The following MED13L variants were observed in gnomAD, a reference collection of about 807,000 sequenced individuals.
MED13L encodes mediator complex subunit 13L.
In MED13L, 7 loss-of-function variants were observed where a neutral mutation model predicts 220.9. That is an observed-to-expected ratio of 0.03 (90% confidence interval 0.02 to 0.06). MED13L has a LOEUF of 0.06. Among genes scored for constraint, MED13L ranks in the 10% least tolerant of loss-of-function variants. The pLI is 1.00. For missense variants in MED13L, 1,965 were observed against 2,760.5 expected, an observed-to-expected ratio of 0.71 and a Z score of 6.46; for synonymous variants, 1,011 against 1,015.2, an observed-to-expected ratio of 1.00 and a Z score of 0.08.
intron 2 of MED13L, among the ~76,000 whole-genome samples, chr12:116,128,848 A>G (rs775799337): frequency 6.6e-5 from 10 of 152,206 alleles, no homozygotes; most frequent in Non-Finnish European, 1.0e-4. Flanking sequence ...GTTCCATTCT[A>G]TTAGGTACAA....
chr12:116,203,045 G>A (rs1042185144), intron 2 of MED13L, among the ~76,000 whole-genome samples: 3 of 152,090 alleles, frequency 2.0e-5, no homozygotes, highest in Non-Finnish European at 4.4e-5. Context: ...AACCAACACT[G>A]GACCTTTTAG....
At chr12:116,109,927 C>T (rs940104938) in intron 3 of MED13L, among the ~76,000 whole-genome samples, 1 of 152,132 alleles carries the variant, frequency 6.6e-6, no homozygotes, top group African/African-American at 2.4e-5. Context: ...TTCTGAGTAG[C>T]TTAAATAACA....
chr12:115,975,210 T>A lies in MED13L; in HGVS notation c.5692A>T (p.Ile1898Phe), dbSNP rs747191458. 9 of 1,614,182 alleles carry A rather than the reference T, an allele frequency of 5.6e-6. No homozygotes were observed. ...TGGCCAAGACGCCCAAGTCGCCCGA[T>A]TACAACTCTCCAGGGTAGAGATGTC... ...QMTSLPWRVVIGRLGRLGHGE... is the reference protein window; with the variant it reads ...QMTSLPWRVVFGRLGRLGHGE... Residue 1898 changes from isoleucine to phenylalanine, a missense_variant, in exon 25 of 31, where the codon ATC (isoleucine) becomes TTC (phenylalanine). This residue lies in a region of MED13L where 23 missense variants were observed against 67.1 expected (regional missense o/e 0.34). Coordinates refer to ENST00000281928, the MANE Select transcript of MED13L (RefSeq NM_015335.5).
Position 116,111,515 on chromosome 12 carries a change from G to GAA in MED13L, c.311-5_311-4dup, listed in dbSNP as rs150398214. 9.6e-6 allele frequency: 13 copies of GAA among 1,359,162 alleles called. No individual in the cohort carries two copies. The highest frequency in any genetic ancestry group is 4.5e-5 in the Admixed American group (2 of 44,110). 84.2% of individuals were successfully genotyped at this position (1,359,162 alleles called of 1,614,324 possible). A position where few individuals can be genotyped will look rare whatever the true frequency, so the allele number is the denominator to read the frequency against. On this transcript the variant is annotated splice_region_variant and splice_polypyrimidine_tract_variant and intron_variant, in intron 2 of 30. Transcript: ENST00000281928. ...TTCCCAGAGTCCTTCTTCCACAACTGAAAAAAAAAAGAAAAAAGAAAAAAA... is the reference window on the plus strand; with the variant it reads ...TTCCCAGAGTCCTTCTTCCACAACTGAAAAAAAAAAAAGAAAAAAGAAAAAAA...
intron 2 of MED13L, among the ~76,000 whole-genome samples, chr12:116,196,194 C>A (rs1881615809): frequency 6.6e-6 from 1 of 151,714 alleles, no homozygotes; most frequent in African/African-American, 2.4e-5. Context: ...TTTCAAGTAG[C>A]AAGAAAAAAA....
chr12:116,149,076 T>C (rs1372205036), intron 2 of MED13L, among the ~76,000 whole-genome samples: 3 of 152,230 alleles, frequency 2.0e-5, no homozygotes, highest in Non-Finnish European at 2.9e-5. Flanking sequence ...CCGGTATTCA[T>C]ACCTTTGCTC....
chr12:116,083,730 T>C (rs1288909732), intron 4 of MED13L, among the ~76,000 whole-genome samples: 1 of 152,184 alleles, frequency 6.6e-6, no homozygotes, highest in African/African-American at 2.4e-5. Flanking sequence ...ATTCTGAGCA[T>C]TTATCATGTG....
chr12:116,074,193 G>A (rs747244380), intron 4 of MED13L, among the ~76,000 whole-genome samples: 27 of 152,258 alleles, frequency 1.8e-4, no homozygotes, highest in Middle Eastern at 6.8e-3. Context: ...TCAGGAGTTC[G>A]ACACCAACCT....
At chr12:116,158,552 C>G (rs978874765) in intron 2 of MED13L, among the ~76,000 whole-genome samples, 1 of 152,042 alleles carries the variant, frequency 6.6e-6, no homozygotes, top group Non-Finnish European at 1.5e-5. Context: ...GGTATTAACT[C>G]TAAGAATCTG....
At chr12:116,087,978 C>G (rs1280358306) in intron 4 of MED13L, among the ~76,000 whole-genome samples, 1 of 152,102 alleles carries the variant, frequency 6.6e-6, no homozygotes, top group East Asian at 1.9e-4. Flanking sequence ...TCCTTCCACT[C>G]CAACATGACA....
chr12:116,238,745 T>C (rs556240192), intron 1 of MED13L, among the ~76,000 whole-genome samples: 1 of 152,346 alleles, frequency 6.6e-6, no homozygotes, highest in East Asian at 1.9e-4. Flanking sequence ...AATCAATCAC[T>C]ATAATGACCA....
At chr12:116,043,539 CA>C (rs1436125448) in intron 4 of MED13L, among the ~76,000 whole-genome samples, 1 of 152,132 alleles carries the variant, frequency 6.6e-6, no homozygotes, top group African/African-American at 2.4e-5. Context: ...AAATCTAATA[CA>C]AAAAGTAAAA....
intron 4 of MED13L, among the ~76,000 whole-genome samples, chr12:116,086,202 G>C (rs1201895869): frequency 2.0e-5 from 3 of 151,762 alleles, no homozygotes; most frequent in Non-Finnish European, 4.4e-5. Flanking sequence ...AACAAAAACA[G>C]ACCTAACATT....
chr12:116,148,504 G>C (rs201143205), intron 2 of MED13L: 7 of 313,230 alleles, frequency 2.2e-5, no homozygotes, highest in Non-Finnish European at 7.1e-6. Context: ...ATAGTAACCA[G>C]CTAAAGATAA....
intron 2 of MED13L, among the ~76,000 whole-genome samples, chr12:116,166,622 CTTA>C (rs1035916262): frequency 3.3e-5 from 5 of 152,098 alleles, no homozygotes; most frequent in Admixed American, 2.0e-4. Context: ...TTTCTGGCCT[CTTA>C]TTAAGTCAAA....
chr12:115,975,034 G>A lies in MED13L; in HGVS notation c.5731+137C>T, dbSNP rs1490064292. The A allele has an allele frequency of 1.1e-4, 105 of 929,068 alleles. 1 individual carries two copies. In the East Asian group the frequency reaches 1.5e-3, roughly 13 times the overall value. The allele number at this position is 929,068 out of a possible 1,614,324, so 57.6% of individuals were successfully genotyped here. A position where few individuals can be genotyped will look rare whatever the true frequency, so the allele number is the denominator to read the frequency against. On this transcript the variant is annotated intron_variant, in intron 25 of 30. Transcript: ENST00000281928. ...GAAGAGTTTAAAACTGGTTTATCCT[G>A]TACATATAAAAGAATCATAAAATAG...
intron 2 of MED13L, among the ~76,000 whole-genome samples, chr12:116,222,119 A>G (rs894578471): frequency 6.6e-6 from 1 of 152,246 alleles, no homozygotes; most frequent in Non-Finnish European, 1.5e-5. Context: ...AGATTTTAAT[A>G]TTCTGACAGT....
chr12:116,208,344 T>C (rs974288308), intron 2 of MED13L, among the ~76,000 whole-genome samples: 1 of 152,190 alleles, frequency 6.6e-6, no homozygotes, highest in Non-Finnish European at 1.5e-5. Context: ...TGCAGTGAGC[T>C]GAGATCGTGC....
At chr12:116,267,152 C>T (rs1420993177) in intron 1 of MED13L, among the ~76,000 whole-genome samples, 3 of 152,182 alleles carry the variant, frequency 2.0e-5, no homozygotes, top group East Asian at 1.9e-4. Flanking sequence ...ATAAGAGCCA[C>T]GGTTCAATTC....
Sources: allele counts gnomAD v4.1 joint callset (sites outside exome capture counted in the v4.1 genomes callset), GRCh38; gene constraint gnomAD v4.1.1; regional missense constraint gnomAD v4.1.1; transcripts MANE v1.5; gene names NCBI Gene and HGNC (gene_info 2026-07-23, HGNC 2026-07-21).